The following SLC35F5 variants were observed in gnomAD, a reference collection of about 807,000 sequenced individuals.
The protein encoded by SLC35F5 is solute carrier family 35 member F5.
Under a neutral mutation model 68.6 loss-of-function variants are expected in SLC35F5, and 54 were observed. The observed-to-expected ratio is 0.79, with a 90% CI of 0.63 to 0.99. SLC35F5 has a LOEUF of 0.99. Ranked by LOEUF, SLC35F5 falls within the 50% of genes least tolerant of loss-of-function variation. SLC35F5 has a pLI of 0.00. For synonymous variants in SLC35F5, 211 were observed against 205.2 expected, an observed-to-expected ratio of 1.03 and a Z score of -0.24; for missense variants, 567 against 626.9, an observed-to-expected ratio of 0.90 and a Z score of 1.02.
chr2:113,723,699 AAAAG>A (rs1381371925), intron 12 of SLC35F5, among the ~76,000 whole-genome samples: 2 of 152,206 alleles, frequency 1.3e-5, no homozygotes, highest in African/African-American at 4.8e-5. Context: ...TTGGCATAAA[AAAAG>A]AAAGACTTGA....
rs532563826 is a variant in SLC35F5, at chr2:113,729,138, G to A, written c.1090+263C>T. Among the ~76,000 whole-genome samples, 95 of 152,312 alleles carry A rather than the reference G, an allele frequency of 6.2e-4. 1 individual carries two copies. The Middle Eastern group carries it at 0.01, about 16-fold the overall frequency. ...TATCAGTGAGATAAATATCTGACTT[G>A]CAGTCTGAAGACATCAATTTGAAAA... On this transcript the variant is annotated intron_variant, in intron 11 of 15. Coordinates refer to ENST00000245680, the MANE Select transcript of SLC35F5 (RefSeq NM_025181.5).
intron 7 of SLC35F5, 30 bp downstream of exon 7, chr2:113,742,662 T>G: frequency 5.0e-6 from 8 of 1,607,906 alleles, no homozygotes; most frequent in Non-Finnish European, 6.8e-6. Flanking sequence ...GTTTCAAACA[T>G]CATATGCAAA....
intron 13 of SLC35F5, among the ~76,000 whole-genome samples, chr2:113,720,316 CTT>C (rs1687379931): frequency 7.8e-6 from 1 of 127,796 alleles, no homozygotes; most frequent in Admixed American, 7.9e-5. Context: ...TGTTTGCCCT[CTT>C]TGAGAATTAA....
chr2:113,731,937 G>C (rs574482657), intron 9 of SLC35F5, among the ~76,000 whole-genome samples: 9 of 152,134 alleles, frequency 5.9e-5, no homozygotes, highest in Admixed American at 3.9e-4. Flanking sequence ...AAGAGGTAAG[G>C]TAACTTGACC....
intron 1 of SLC35F5, 156 bp downstream of exon 1, chr2:113,756,214 G>T: frequency 6.6e-7 from 1 of 1,505,904 alleles, no homozygotes; most frequent in Non-Finnish European, 8.9e-7. Context: ...GGGCTCCGGC[G>T]CCCCTGTCAG....
chr2:113,745,260 G>C (rs1676442116), intron 5 of SLC35F5, among the ~76,000 whole-genome samples: 2 of 151,978 alleles, frequency 1.3e-5, no homozygotes, highest in Admixed American at 1.3e-4. Flanking sequence ...TGATGCTTAA[G>C]ATCCCAGGAA....
intron 10 of SLC35F5, among the ~76,000 whole-genome samples, chr2:113,729,954 T>A (rs1687817953): frequency 1.3e-5 from 2 of 152,210 alleles, no homozygotes; most frequent in Non-Finnish European, 2.9e-5. Flanking sequence ...ATTCTTAATA[T>A]GTATTGCACT....
chr2:113,725,377 C>T lies in SLC35F5; in HGVS notation c.1250+1G>A, dbSNP rs1303924239. On this transcript the variant is annotated splice_donor_variant, in intron 12 of 15. Transcript: ENST00000245680. LOFTEE classifies it high-confidence loss of function. ...ATAATTGGAGAATAAACAGTACATA[C>T]CACAACCACAGGAACTCTGAGAGTA... is the stretch of plus-strand genomic sequence containing the variant. 6.3e-7 allele frequency: 1 copy of T among 1,598,712 alleles called. No homozygotes were observed. The highest frequency in any genetic ancestry group is 8.5e-7 in the Non-Finnish European group (1 of 1,175,966).
chr2:113,756,062 C>T (rs1293935149), intron 1 of SLC35F5: 12 of 1,460,714 alleles, frequency 8.2e-6, no homozygotes, highest in Non-Finnish European at 9.0e-7. Context: ...TCAAAACATC[C>T]AGTCATTTTA....
chr2:113,706,628 TG>T (rs557542665), downstream of SLC35F5, among the ~76,000 whole-genome samples: 22 of 152,366 alleles, frequency 1.4e-4, no homozygotes, highest in African/African-American at 5.3e-4. Context: ...GTTTAATGTT[TG>T]GTCTCCAAAG....
rs2104952589 is a variant in SLC35F5, at chr2:113,711,288, A to C, written c.*3930T>G. Among the ~76,000 whole-genome samples the C allele has an allele frequency of 6.6e-6, 1 of 152,320 alleles. No homozygotes were observed. The highest frequency in any genetic ancestry group is 1.9e-4 in the East Asian group (1 of 5,186). ...TTTGGTTGGTAATTTTTCCTTAAAT[A>C]TATTTCAATGATTTCATTGTTTGAC... is the stretch of plus-strand genomic sequence containing the variant. On this transcript the variant is annotated 3_prime_UTR_variant, in exon 16 of 16. Transcript: ENST00000245680.
At chr2:113,734,896 G>A (rs570868653) in intron 8 of SLC35F5, among the ~76,000 whole-genome samples, 47 of 152,228 alleles carry the variant, frequency 3.1e-4, no homozygotes, top group Non-Finnish European at 2.2e-4. Flanking sequence ...TATTTCAACA[G>A]TACAGATCAA....
chr2:113,718,926 AAAAAGAAAGG>A (rs1459178226), intron 14 of SLC35F5, among the ~76,000 whole-genome samples: 532 of 43,756 alleles, frequency 0.012, 6 homozygotes, highest in Non-Finnish European at 0.027. Context: ...AGAAAGAAAG[AAAAAGAAAGG>A]AAGAAAGGAA....
In SLC35F5 at chr2:113,712,569, C is replaced by T. The variant is rs1240238809; in HGVS notation, c.*2649G>A. Among the ~76,000 whole-genome samples, 1 of 152,220 alleles carries T rather than the reference C, an allele frequency of 6.6e-6. No homozygotes were observed. Among genetic ancestry groups the T allele is most frequent in the Non-Finnish European group, 1.5e-5 (1 of 68,036 alleles). On this transcript the variant is annotated 3_prime_UTR_variant, in exon 16 of 16. Transcript: ENST00000245680. ...TGACCTCGTGATCCGCCCGCCTCGG[C>T]CTCCCAAAGTGCTGGGACTACAGGC...
chr2:113,743,077 C>A (rs1242199362), intron 6 of SLC35F5, among the ~76,000 whole-genome samples, 198 bp from the exon 7 acceptor site: 2 of 152,178 alleles, frequency 1.3e-5, no homozygotes, highest in Admixed American at 6.5e-5. Flanking sequence ...ATTTCATCTA[C>A]AAAAATGTTG....
At position 113,742,867 on chromosome 2, in the gene SLC35F5, G is replaced by A. The variant is rs1676339616; in HGVS notation, c.575C>T (p.Ser192Phe). The change falls in exon 7 of 16, where the codon TCT becomes TTT. Residue 192 changes from serine (S) to phenylalanine (F), a missense_variant. By Grantham distance (155) the Ser-to-Phe change is radical. Coordinates refer to ENST00000245680, the MANE Select transcript of SLC35F5 (RefSeq NM_025181.5). Reference sequence around the variant, plus strand: ...CATGATATTACTGAACCTCACACGAGACTTTTTGGGGGCTTAAAAGGAAGA... The same window carrying A: ...CATGATATTACTGAACCTCACACGAAACTTTTTGGGGGCTTAAAAGGAAGA... ...NIDTEKTPKK[S>F]RVRFSNIMEI... 1 of 1,612,508 alleles carries A rather than the reference G, an allele frequency of 6.2e-7. No homozygotes were observed. Among genetic ancestry groups the A allele is most frequent in the South Asian group, 1.1e-5 (1 of 90,888 alleles).
intron 13 of SLC35F5, chr2:113,719,705 T>G (rs1292018269): frequency 6.4e-6 from 1 of 156,292 alleles, no homozygotes; most frequent in Non-Finnish European, 1.4e-5. Context: ...GTTTCTGAAG[T>G]CATCTTCAAA....
rs1686981992 is a variant in SLC35F5, at chr2:113,711,513, T to C, written c.*3705A>G. Among the ~76,000 whole-genome samples, 1 of 151,836 alleles carries C rather than the reference T, an allele frequency of 6.6e-6. No individual in the cohort carries two copies. The highest frequency in any genetic ancestry group is 2.4e-5 in the African/African-American group (1 of 41,348). ...GTACAGGCAAATGAGGCTGTTACTA[T>C]AAAAAAAATGTGGTGTCTAAAAATT... On this transcript the variant is annotated 3_prime_UTR_variant, in exon 16 of 16. Transcript: ENST00000245680.
In SLC35F5 at chr2:113,743,554, T is replaced by C. The variant is rs182508162; in HGVS notation, c.562+159A>G. ...ATAATACAAAAATGATTATACTATATTAGATTCACAATCCAGTCAAACTTC... is the reference window on the plus strand; with the variant it reads ...ATAATACAAAAATGATTATACTATACTAGATTCACAATCCAGTCAAACTTC... On this transcript the variant is annotated intron_variant, in intron 6 of 15. Transcript: ENST00000245680. Among the ~76,000 whole-genome samples, 38 of 152,326 alleles carry C rather than the reference T, an allele frequency of 2.5e-4. No homozygotes were observed. The East Asian group carries it at 6.9e-3, about 28-fold the overall frequency.
Sources: allele counts gnomAD v4.1 joint callset (sites outside exome capture counted in the v4.1 genomes callset), GRCh38; gene constraint gnomAD v4.1.1; transcripts MANE v1.5; gene names NCBI Gene and HGNC (gene_info 2026-07-23, HGNC 2026-07-21).